Variants in KHDRBS2 observed in about 807,000 individuals in gnomAD.
The protein encoded by KHDRBS2 is KH RNA binding domain containing, signal transduction associated 2, also known as KH domain-containing, RNA-binding, signal transduction-associated protein 2.
Under a neutral mutation model 44.3 loss-of-function variants are expected in KHDRBS2, and 26 were observed. The observed-to-expected ratio is 0.59, with a 90% CI of 0.43 to 0.81. KHDRBS2 has a LOEUF of 0.81. Ranked by LOEUF, KHDRBS2 falls within the 40% of genes least tolerant of loss-of-function variation. The probability of loss-of-function intolerance (pLI) is 0.00; values close to 1 mark genes in which losing one functional copy is unlikely to be tolerated. For missense variants in KHDRBS2, 476 were observed against 433.1 expected (o/e 1.10, Z -0.88); for synonymous variants, 194 against 151.1 (o/e 1.28, Z -2.08).
At position 62,007,648 on chromosome 6, in the gene KHDRBS2, T is replaced by C. The variant is rs1157632008; in HGVS notation, c.337-29436A>G. On this transcript the variant is annotated intron_variant, in intron 3 of 8. Coordinates refer to ENST00000281156, the MANE Select transcript of KHDRBS2 (RefSeq NM_152688.4). The stretch of plus-strand genomic sequence containing the variant: ...AACACACAGCTTTGAAGGTAAGGAA[T>C]AAATATATACCACACATATGCCTCT... Among the ~76,000 whole-genome samples the C allele has an allele frequency of 2.0e-5, 3 of 151,872 alleles. No homozygotes were observed. The Admixed American group carries it at 2.0e-4, about 10-fold the overall frequency.
intron 6 of KHDRBS2, among the ~76,000 whole-genome samples, chr6:61,780,175 T>TA (rs1782713426): frequency 1.3e-5 from 2 of 152,162 alleles, no homozygotes; most frequent in South Asian, 2.1e-4. Context: ...TTTAAAAATT[T>TA]AAAAAATATA....
intron 2 of KHDRBS2, among the ~76,000 whole-genome samples, chr6:62,142,673 A>G (rs1057450090): frequency 1.3e-5 from 2 of 152,164 alleles, no homozygotes; most frequent in Non-Finnish European, 2.9e-5. Flanking sequence ...GAATATGTCT[A>G]TAAATTGGGA....
chr6:62,038,149 T>A (rs548934301), intron 3 of KHDRBS2, among the ~76,000 whole-genome samples: 1 of 151,946 alleles, frequency 6.6e-6, no homozygotes, highest in Non-Finnish European at 1.5e-5. Context: ...GCAAAAAAAA[T>A]CAAGTGGTCC....
At chr6:61,710,698 T>G (rs1440856329) in intron 7 of KHDRBS2, among the ~76,000 whole-genome samples, 1 of 150,926 alleles carries the variant, frequency 6.6e-6, no homozygotes, top group Admixed American at 6.7e-5. Context: ...TGTTATGTAT[T>G]TACCCACCCT....
rs747800443 is a variant in KHDRBS2, at chr6:62,198,674, G to C, written c.92-21362C>G. Among the ~76,000 whole-genome samples the C allele has an allele frequency of 6.6e-5, 10 of 152,048 alleles. 1 individual carries two copies. Among genetic ancestry groups the C allele is most frequent in the South Asian group, 6.2e-4 (3 of 4,824 alleles). On this transcript the variant is annotated intron_variant, in intron 1 of 8. Transcript: ENST00000281156. ...CCAGAGGTACAAGGAGGAGCTGGTA[G>C]CATTCCTTCTGAAACTATTCAAATC...
At chr6:62,158,899 C>CA in intron 2 of KHDRBS2, among the ~76,000 whole-genome samples, 1 of 151,998 alleles carries the variant, frequency 6.6e-6, no homozygotes, top group South Asian at 2.1e-4. Flanking sequence ...AATACAATCT[C>CA]AAAGTTTCTC....
intron 4 of KHDRBS2, among the ~76,000 whole-genome samples, chr6:61,909,622 G>A (rs1448832603): frequency 6.6e-6 from 1 of 151,762 alleles, no homozygotes; most frequent in Non-Finnish European, 1.5e-5. Flanking sequence ...ACACCATATG[G>A]TGTAAACAGT....
At chr6:62,169,147 G>GTATATA (rs1819392869) in intron 2 of KHDRBS2, among the ~76,000 whole-genome samples, 1 of 98,490 alleles carries the variant, frequency 1.0e-5, no homozygotes, top group Non-Finnish European at 2.1e-5. Context: ...ACATATATGT[G>GTATATA]TGTATATATA....
intron 2 of KHDRBS2, among the ~76,000 whole-genome samples, chr6:62,140,234 T>C (rs761386020): frequency 6.6e-6 from 1 of 152,208 alleles, no homozygotes; most frequent in Non-Finnish European, 1.5e-5. Flanking sequence ...AATGTTTGGT[T>C]CATTGTAAGC....
At chr6:61,746,269 G>T (rs575170494) in intron 6 of KHDRBS2, among the ~76,000 whole-genome samples, 9 of 151,924 alleles carry the variant, frequency 5.9e-5, no homozygotes, top group African/African-American at 1.9e-4. Flanking sequence ...TTTAAGCCTC[G>T]CATGCATTAA....
the KHDRBS2 span, among the ~76,000 whole-genome samples, chr6:61,556,474 G>A: frequency 6.6e-6 from 1 of 152,152 alleles, no homozygotes; most frequent in Non-Finnish European, 1.5e-5. Flanking sequence ...CATTGGCAAA[G>A]ACATTCTAAG....
intron 1 of KHDRBS2, among the ~76,000 whole-genome samples, chr6:62,243,000 C>A (rs1406757899): frequency 6.6e-6 from 1 of 152,124 alleles, no homozygotes; most frequent in African/African-American, 2.4e-5. Flanking sequence ...AAACACTTTT[C>A]CATTTGGTAA....
chr6:61,893,331 G>A (rs1457884099), intron 6 of KHDRBS2, among the ~76,000 whole-genome samples: 1 of 152,198 alleles, frequency 6.6e-6, no homozygotes, highest in South Asian at 2.1e-4. Context: ...CATTGTGGAA[G>A]TTGGTGTGGC....
At chr6:62,258,310 G>C (rs1260932061) in intron 1 of KHDRBS2, among the ~76,000 whole-genome samples, 5 of 152,030 alleles carry the variant, frequency 3.3e-5, no homozygotes, top group African/African-American at 9.7e-5. Context: ...GGCACTGCTT[G>C]TTGTTGCCGT....
the KHDRBS2 span, among the ~76,000 whole-genome samples, chr6:61,589,468 T>G: frequency 2.0e-5 from 3 of 152,202 alleles, no homozygotes; most frequent in East Asian, 5.8e-4. Flanking sequence ...TAAATAAGGT[T>G]TTTTTATTGT....
At chr6:61,554,206 G>C in the KHDRBS2 span, among the ~76,000 whole-genome samples, 3 of 152,134 alleles carry the variant, frequency 2.0e-5, no homozygotes, top group South Asian at 6.2e-4. Context: ...TATAATTTAG[G>C]ATAGTTAGGT....
chr6:62,096,452 A>G (rs1800623566), intron 2 of KHDRBS2, among the ~76,000 whole-genome samples: 1 of 151,846 alleles, frequency 6.6e-6, no homozygotes, highest in Admixed American at 6.6e-5. Context: ...AATCTTGGTC[A>G]GCTCTATGTG....
chr6:62,113,780 C>A (rs1241837383), intron 2 of KHDRBS2, among the ~76,000 whole-genome samples: 2 of 152,022 alleles, frequency 1.3e-5, no homozygotes, highest in African/African-American at 2.4e-5. Context: ...AGGGAATTTA[C>A]AAATCTCAAA....
In KHDRBS2 at chr6:61,848,510, TGTATATATGTATATATATATAC is replaced by T. The variant is rs1562294273; in HGVS notation, c.810+46103_810+46124del. Among the ~76,000 whole-genome samples the T allele has an allele frequency of 1.6e-3, 75 of 48,090 alleles. No individual in the cohort carries two copies. In the South Asian group the frequency reaches 0.019, roughly 12 times the overall value. The allele number at this position is 48,090 out of a possible 152,430, so 31.5% of individuals were successfully genotyped here. Reference sequence around the variant, plus strand: ...ATATATGTATATATATATATATATATGTATATATGTATATATATATACATATATATGTATATATATACATATA... The same window carrying T: ...ATATATGTATATATATATATATATATATATATATGTATATATATACATATA... On this transcript the variant is annotated intron_variant, in intron 6 of 8. Coordinates refer to ENST00000281156, the MANE Select transcript of KHDRBS2 (RefSeq NM_152688.4).
Sources: allele counts gnomAD v4.1 joint callset (sites outside exome capture counted in the v4.1 genomes callset), GRCh38; gene constraint gnomAD v4.1.1; transcripts MANE v1.5; gene names NCBI Gene and HGNC (gene_info 2026-07-23, HGNC 2026-07-21).